The following TXNL4A variants were observed in gnomAD, a reference collection of about 807,000 sequenced individuals.
TXNL4A encodes the protein thioredoxin like 4A, also known as thioredoxin-like protein 4A.
Under a neutral mutation model 14.6 loss-of-function variants are expected in TXNL4A, and 17 were observed. That is an observed-to-expected ratio of 1.16 (90% confidence interval 0.80 to 1.74). The LOEUF (loss-of-function observed/expected upper bound fraction) is 1.74. Ranked by LOEUF, TXNL4A falls within the 40% of genes most tolerant of loss-of-function variation. TXNL4A has a pLI of 0.00. For missense variants in TXNL4A, 74 were observed against 195.2 expected (o/e 0.38, Z 3.70); for synonymous variants, 83 against 70.6 (o/e 1.18, Z -0.88).
chr18:79,988,218 G>C (rs1440957492), intron 1 of TXNL4A, 22 bp downstream of exon 1: 2 of 1,499,298 alleles, frequency 1.3e-6, no homozygotes, highest in Non-Finnish European at 1.8e-6. Flanking sequence ...AGCCCGCAGA[G>C]CGGGAGAGTC....
chr18:79,995,146 G>A (rs929291909), intron 1 of TXNL4A: 2 of 152,198 alleles, frequency 1.3e-5, no homozygotes, highest in Admixed American at 6.6e-5. Flanking sequence ...GATCCAATTG[G>A]GTTTGCTCAA....
chr18:80,029,499 T>C (rs1016764534), intron 1 of TXNL4A, among the ~76,000 whole-genome samples: 1 of 152,206 alleles, frequency 6.6e-6, no homozygotes, highest in Non-Finnish European at 1.5e-5. Flanking sequence ...AAAATCCTAC[T>C]AGAAAAAATT....
intron 1 of TXNL4A, among the ~76,000 whole-genome samples, chr18:79,997,186 A>G (rs1351538028): frequency 6.6e-6 from 1 of 152,102 alleles, no homozygotes; most frequent in Non-Finnish European, 1.5e-5. Flanking sequence ...AGTCAAATAC[A>G]GATATAGGGA....
chr18:80,012,755 T>TAA (rs2051778430), intron 1 of TXNL4A, among the ~76,000 whole-genome samples: 1 of 152,208 alleles, frequency 6.6e-6, no homozygotes. Flanking sequence ...GCCAATATCT[T>TAA]AGACAACCCT....
chr18:79,990,116 T>C (rs1048360866), upstream of TXNL4A, among the ~76,000 whole-genome samples: 2 of 152,228 alleles, frequency 1.3e-5, no homozygotes, highest in Non-Finnish European at 1.5e-5. Flanking sequence ...CCATGTTTGG[T>C]TTCCTCTGGG....
At position 79,973,646 on chromosome 18, in the gene TXNL4A, A is replaced by G. The variant is rs1488710602; in HGVS notation, c.*39T>C. On this transcript the variant is annotated 3_prime_UTR_variant, in exon 3 of 3. Coordinates refer to ENST00000269601, the MANE Select transcript of TXNL4A (RefSeq NM_006701.5). ...TAGCTTAAAACGTTTCCATACAAAA[A>G]GGGCTCCACGACATTTATCCGCGCA... is the stretch of plus-strand genomic sequence containing the variant. 1.9e-6 allele frequency: 3 copies of G among 1,568,264 alleles called. No individual in the cohort carries two copies. The highest frequency in any genetic ancestry group is 4.5e-5 in the East Asian group (2 of 44,274).
intron 1 of TXNL4A, among the ~76,000 whole-genome samples, chr18:80,031,428 T>C (rs1430436690): frequency 6.6e-6 from 1 of 152,152 alleles, no homozygotes; most frequent in Non-Finnish European, 1.5e-5. Context: ...GGGATGATGC[T>C]CCCCAGGTTA....
At chr18:80,008,020 G>A (rs115932656) in intron 1 of TXNL4A, among the ~76,000 whole-genome samples, 2,834 of 152,110 alleles carry the variant, frequency 0.019, 67 homozygotes, top group African/African-American at 0.06. Flanking sequence ...GCGTGGCAGC[G>A]CACGCCTGTG....
intron 1 of TXNL4A, among the ~76,000 whole-genome samples, chr18:79,986,433 T>C (rs1270050164): frequency 3.1e-5 from 4 of 129,996 alleles, no homozygotes; most frequent in African/African-American, 1.0e-4. Flanking sequence ...TCAGACTATT[T>C]TAAAAGACCA....
At chr18:79,977,374 T>C in intron 2 of TXNL4A, 1 of 535,170 alleles carries the variant, frequency 1.9e-6, no homozygotes, top group Non-Finnish European at 3.3e-6. Flanking sequence ...CCCGCAAAGT[T>C]ATTTCAAAAG....
In TXNL4A at chr18:79,973,679, G is replaced by A. The variant is rs368320759; in HGVS notation, c.*6C>T. The A allele has an allele frequency of 2.5e-6, 4 of 1,608,436 alleles. No homozygotes were observed. The highest frequency in any genetic ancestry group is 3.4e-6 in the Non-Finnish European group (4 of 1,177,678). Reference sequence around the variant, plus strand: ...ACGACATTTATCCGCGCAGACTGAGGGCGCCTCAGTAGCGGTACTTGGTGG... The same window carrying A: ...ACGACATTTATCCGCGCAGACTGAGAGCGCCTCAGTAGCGGTACTTGGTGG... On this transcript the variant is annotated 3_prime_UTR_variant, in exon 3 of 3. Coordinates refer to ENST00000269601, the MANE Select transcript of TXNL4A (RefSeq NM_006701.5).
intron 1 of TXNL4A, among the ~76,000 whole-genome samples, chr18:80,007,597 GT>G (rs933044502): frequency 8.0e-4 from 118 of 147,524 alleles, no homozygotes; most frequent in Non-Finnish European, 1.5e-3. Context: ...CACTTCCTTG[GT>G]TTTTTTTTTT....
At chr18:80,015,201 T>TG (rs56666397) in intron 1 of TXNL4A, among the ~76,000 whole-genome samples, 43,256 of 151,958 alleles carry the variant, frequency 0.28, 6,624 homozygotes, top group Non-Finnish European at 0.35. Context: ...GACTAACATT[T>TG]GGCTCCTTGT....
chr18:79,976,991 G>A (rs142284170), intron 2 of TXNL4A, among the ~76,000 whole-genome samples: 123 of 151,614 alleles, frequency 8.1e-4, no homozygotes, highest in Middle Eastern at 3.4e-3. Context: ...ACGGAGTTTT[G>A]CTCTTGTTGC....
chr18:80,031,909 G>C (rs900738674), intron 1 of TXNL4A, among the ~76,000 whole-genome samples: 1 of 152,262 alleles, frequency 6.6e-6, no homozygotes, highest in Non-Finnish European at 1.5e-5. Flanking sequence ...GCACAAGCTA[G>C]TGCTTATAAT....
At chr18:79,999,536 C>CA (rs1215965310) in intron 1 of TXNL4A, among the ~76,000 whole-genome samples, 1,156 of 33,408 alleles carry the variant, frequency 0.035, 32 homozygotes, top group African/African-American at 0.06. Context: ...GACTCCATCT[C>CA]AAAAAAAAAA....
At chr18:79,983,525 T>C (rs979491941) in intron 1 of TXNL4A, among the ~76,000 whole-genome samples, 1 of 152,252 alleles carries the variant, frequency 6.6e-6, no homozygotes, top group African/African-American at 2.4e-5. Flanking sequence ...TCTACACTTT[T>C]GTATGGAGTC....
intron 1 of TXNL4A, among the ~76,000 whole-genome samples, chr18:80,012,386 A>AC (rs2051775868): frequency 6.6e-6 from 1 of 152,198 alleles, no homozygotes; most frequent in South Asian, 2.1e-4. Context: ...TAGGGATGTT[A>AC]CCTGACAATG....
intron 1 of TXNL4A, among the ~76,000 whole-genome samples, chr18:80,005,640 C>T (rs2051725009): frequency 6.6e-6 from 1 of 152,186 alleles, no homozygotes; most frequent in South Asian, 2.1e-4. Flanking sequence ...GTTGGCAGGG[C>T]ACAGTGGCTC....
Sources: gnomAD v4.1 joint callset for allele counts (sites outside exome capture counted in the v4.1 genomes callset) on GRCh38, gnomAD v4.1.1 for gene constraint, MANE v1.5 for transcripts, NCBI Gene and HGNC (gene_info 2026-07-23, HGNC 2026-07-21) for gene names.